Variants in INPP4B observed in about 807,000 individuals in gnomAD.
INPP4B encodes the protein inositol polyphosphate-4-phosphatase type II B.
INPP4B carries 55 observed loss-of-function variants against 122.5 expected under a neutral mutation model. That is an observed-to-expected ratio of 0.45 (90% CI 0.36 to 0.56). The LOEUF (loss-of-function observed/expected upper bound fraction) is 0.56, where lower values mean the gene tolerates loss of function less well. INPP4B is among the 20% of genes least tolerant of loss of function. The pLI is 0.00. For synonymous variants in INPP4B, 403 were observed against 388.7 expected (o/e 1.04, Z -0.43); for missense variants, 1,000 against 1,097.7 (o/e 0.91, Z 1.26).
At chr4:142,841,214 G>C (rs1484268542) in intron 1 of INPP4B, among the ~76,000 whole-genome samples, 3 of 151,984 alleles carry the variant, frequency 2.0e-5, no homozygotes, top group African/African-American at 7.2e-5. Flanking sequence ...GTACTTTAAA[G>C]CTTCCTTGGA....
intron 11 of INPP4B, among the ~76,000 whole-genome samples, chr4:142,246,086 ATATG>A (rs1728586797): frequency 6.8e-6 from 1 of 146,744 alleles, no homozygotes; most frequent in East Asian, 2.0e-4. Context: ...CACATTATAT[ATATG>A]TGTGTGTGTA....
chr4:142,629,607 CAGAACA>C (rs1747459364), intron 2 of INPP4B, among the ~76,000 whole-genome samples: 1 of 151,822 alleles, frequency 6.6e-6, no homozygotes, highest in Non-Finnish European at 1.5e-5. Flanking sequence ...GTTTGCACAA[CAGAACA>C]TATTTCTAGT....
At position 142,790,650 on chromosome 4, in the gene INPP4B, AAAAAAC is replaced by A. The variant is rs1307593163; in HGVS notation, c.-254+55553_-254+55558del. Among the ~76,000 whole-genome samples the A allele has an allele frequency of 5.9e-5, 9 of 152,070 alleles. No individual in the cohort carries two copies. In the East Asian group the frequency reaches 1.7e-3, roughly 29 times the overall value. ...TAGGAGAAAGAAACAAACTGAAGGA[AAAAAAC>A]AAAAAACAAAAACAAAAACAAACCT... is the stretch of plus-strand genomic sequence containing the variant. On this transcript the variant is annotated intron_variant, in intron 1 of 25. Transcript: ENST00000262992.
intron 25 of INPP4B, among the ~76,000 whole-genome samples, chr4:142,054,036 C>A (rs1180560214): frequency 6.0e-5 from 8 of 134,322 alleles, no homozygotes; most frequent in Non-Finnish European, 3.3e-5. Flanking sequence ...TAATTCTAAT[C>A]GACCCTCACC....
intron 21 of INPP4B, among the ~76,000 whole-genome samples, chr4:142,121,883 T>C (rs1199023218): frequency 6.6e-6 from 1 of 152,150 alleles, no homozygotes; most frequent in Admixed American, 6.6e-5. Context: ...TTGAATTTCT[T>C]GTATTTTGTG....
chr4:142,842,665 CAT>C (rs1466566641), intron 1 of INPP4B, among the ~76,000 whole-genome samples: 4 of 124,826 alleles, frequency 3.2e-5, no homozygotes, highest in African/African-American at 9.1e-5. Context: ...TAATATATAA[CAT>C]AATATAATAT....
At chr4:142,393,476 A>G (rs1798378490) in intron 7 of INPP4B, among the ~76,000 whole-genome samples, 1 of 152,080 alleles carries the variant, frequency 6.6e-6, no homozygotes, top group East Asian at 1.9e-4. Context: ...CCTTTGCAAA[A>G]CTCACTCACT....
chr4:142,030,300 C>T, intron 25 of INPP4B: 1 of 1,533,918 alleles, frequency 6.5e-7, no homozygotes, highest in Non-Finnish European at 8.7e-7. Context: ...CTGGGTTTGT[C>T]TGCTGTTAAA....
chr4:142,648,522 A>G (rs150928058), intron 2 of INPP4B, among the ~76,000 whole-genome samples: 3 of 152,346 alleles, frequency 2.0e-5, no homozygotes, highest in Non-Finnish European at 2.9e-5. Flanking sequence ...ATTCTCTCCT[A>G]TGCCTGGCTC....
At chr4:142,254,696 G>A (rs1209728243) in intron 11 of INPP4B, among the ~76,000 whole-genome samples, 46 of 152,154 alleles carry the variant, frequency 3.0e-4, no homozygotes, top group Non-Finnish European at 8.8e-5. Context: ...AAGAAATATG[G>A]GACTATGTGA....
intron 9 of INPP4B, among the ~76,000 whole-genome samples, chr4:142,281,278 A>G (rs1477662285): frequency 2.0e-5 from 3 of 151,874 alleles, no homozygotes; most frequent in African/African-American, 7.2e-5. Flanking sequence ...AAATTTTCAG[A>G]AGCAAAAAAT....
chr4:142,767,675 C>A (rs546819363), intron 1 of INPP4B: 1 of 152,052 alleles, frequency 6.6e-6, no homozygotes, highest in Non-Finnish European at 1.5e-5. Flanking sequence ...GAAGGAGTTA[C>A]GAATGACAAG....
rs554088333 is a variant in INPP4B at position 142,025,234 on chromosome 4, T to C, written c.*3548A>G. On this transcript the variant is annotated 3_prime_UTR_variant, in exon 26 of 26. Transcript: ENST00000262992. ...GGACAGTTTCAAGCTACGAACACCATGTTACTGAATCTGCAGTCAGGAAGA... is the reference window on the plus strand; with the variant it reads ...GGACAGTTTCAAGCTACGAACACCACGTTACTGAATCTGCAGTCAGGAAGA... 6 of 152,300 alleles carry C rather than the reference T, an allele frequency of 3.9e-5. No individual in the cohort carries two copies. Among genetic ancestry groups the C allele is most frequent in the African/African-American group, 1.2e-4 (5 of 41,564 alleles). 9.4% of individuals were successfully genotyped at this position (152,300 alleles called of 1,614,324 possible).
chr4:142,409,220 C>T (rs1156918105), intron 5 of INPP4B, among the ~76,000 whole-genome samples: 6 of 152,094 alleles, frequency 3.9e-5, no homozygotes, highest in South Asian at 2.1e-4. Flanking sequence ...GGGCCACATG[C>T]GGTGGCTCAC....
chr4:142,764,004 A>G (rs985708412), intron 1 of INPP4B, among the ~76,000 whole-genome samples: 17 of 152,058 alleles, frequency 1.1e-4, no homozygotes, highest in African/African-American at 3.6e-4. Flanking sequence ...TATTCATTTT[A>G]AGATGTTTTA....
At chr4:142,687,129 T>C (rs1480347638) in intron 2 of INPP4B, among the ~76,000 whole-genome samples, 1 of 151,974 alleles carries the variant, frequency 6.6e-6, no homozygotes, top group African/African-American at 2.4e-5. Context: ...TGCTAAGAGT[T>C]ACTAAGAAAA....
chr4:142,046,932 G>T (rs1371731491), intron 25 of INPP4B, among the ~76,000 whole-genome samples: 8 of 152,006 alleles, frequency 5.3e-5, no homozygotes, highest in Non-Finnish European at 1.2e-4. Flanking sequence ...ACCTTACAAG[G>T]CTTATAGACA....
intron 24 of INPP4B, among the ~76,000 whole-genome samples, chr4:142,082,705 CAACA>C: frequency 6.6e-6 from 1 of 152,280 alleles, no homozygotes; most frequent in South Asian, 2.1e-4. Context: ...TGGTGCCTCA[CAACA>C]GACAAGGGAA....
chr4:142,233,425 A>G (rs538263689), intron 12 of INPP4B, among the ~76,000 whole-genome samples: 1 of 152,268 alleles, frequency 6.6e-6, no homozygotes, highest in African/African-American at 2.4e-5. Context: ...CTCAGGCACA[A>G]CTTCTGTCTT....
Sources: gnomAD v4.1 joint callset for allele counts (sites outside exome capture counted in the v4.1 genomes callset) on GRCh38, gnomAD v4.1.1 for gene constraint, MANE v1.5 for transcripts, NCBI Gene and HGNC (gene_info 2026-07-23, HGNC 2026-07-21) for gene names.